The following XRN1 variants were observed in gnomAD, a reference collection of about 807,000 sequenced individuals.
The protein encoded by XRN1 is 5'-3' exoribonuclease 1, also known as strand-exchange protein 1 homolog.
In XRN1, 67 loss-of-function variants were observed where a neutral mutation model predicts 222.3. The observed-to-expected ratio is 0.30, with a 90% CI of 0.25 to 0.37. XRN1 has a LOEUF of 0.37. Among genes scored for constraint, XRN1 ranks in the 10% least tolerant of loss-of-function variants. XRN1 has a pLI of 1.00. For synonymous variants in XRN1, 643 were observed against 652.4 expected, an observed-to-expected ratio of 0.99 and a Z score of 0.22; for missense variants, 1,707 against 2,000.2, an observed-to-expected ratio of 0.85 and a Z score of 2.80.
At chr3:142,343,945 C>G (rs946432202) in intron 33 of XRN1, among the ~76,000 whole-genome samples, 18 of 152,046 alleles carry the variant, frequency 1.2e-4, no homozygotes, top group Non-Finnish European at 2.6e-4. Context: ...CAACATGGAT[C>G]AAACTGGAGA....
chr3:142,360,898 A>G (rs1164163192), intron 29 of XRN1, among the ~76,000 whole-genome samples: 2 of 151,002 alleles, frequency 1.3e-5, no homozygotes, highest in African/African-American at 4.9e-5. Flanking sequence ...AAACCAAACA[A>G]CAACAAAACA....
Position 142,311,658 on chromosome 3 carries a change from C to A in XRN1, c.4938G>T (p.Pro1646=). 6.2e-7 allele frequency: 1 copy of A among 1,614,082 alleles called. No homozygotes were observed. Among genetic ancestry groups the A allele is most frequent in the East Asian group, 2.2e-5 (1 of 44,880 alleles). ...ESSSASLKSS[P]IAQPASSFQV... is the part of the protein sequence containing the mutation. ...GAAAAGAAGATGCAGGTTGAGCAAT[C>A]GGAGAGGACTTCAAAGAAGCTGATG... is the stretch of plus-strand genomic sequence containing the variant. Residue 1646 remains proline, a synonymous_variant, in exon 41 of 41, where the codon CCG becomes CCT. Coordinates refer to ENST00000392981, the MANE Select transcript of XRN1 (RefSeq NM_001282857.2).
rs774132399 is a variant in XRN1 at position 142,411,996 on chromosome 3, G to C, written c.1713+548C>G. Among the ~76,000 whole-genome samples the C allele has an allele frequency of 2.6e-5, 4 of 151,704 alleles. No homozygotes were observed. In the South Asian group the frequency reaches 6.3e-4, roughly 24 times the overall value. On this transcript the variant is annotated intron_variant, in intron 15 of 40. Coordinates refer to ENST00000392981, the MANE Select transcript of XRN1 (RefSeq NM_001282857.2). ...CGCCACCTTGCCCGGCTAATTTTTT[G>C]TATTTTTTTAGTAGAGACGGGGTTT...
intron 20 of XRN1, among the ~76,000 whole-genome samples, chr3:142,385,382 A>AT (rs2067458753): frequency 6.6e-6 from 1 of 152,216 alleles, no homozygotes; most frequent in Non-Finnish European, 1.5e-5. Context: ...GCCATATATC[A>AT]TATGATTCCA....
At position 142,428,877 on chromosome 3, in the gene XRN1, A is replaced by G. The variant is rs2069382680; in HGVS notation, c.309-2036T>C. On this transcript the variant is annotated intron_variant, in intron 2 of 40. Coordinates refer to ENST00000392981, the MANE Select transcript of XRN1 (RefSeq NM_001282857.2). ...AGAAAGCGATCCACCAGAAAGATAA[A>G]TTTGGAGTCATCAGCAGAGACATAG... Among the ~76,000 whole-genome samples the G allele has an allele frequency of 3.3e-5, 5 of 152,176 alleles. No individual in the cohort carries two copies. In the South Asian group the frequency reaches 1.0e-3, roughly 31 times the overall value.
At chr3:142,442,906 T>G (rs1447877080) in intron 1 of XRN1, among the ~76,000 whole-genome samples, 3 of 152,120 alleles carry the variant, frequency 2.0e-5, no homozygotes, top group African/African-American at 7.2e-5. Flanking sequence ...GCTAATTTTT[T>G]GTATTTTTAG....
chr3:142,446,622 T>TA (rs1378651557), intron 1 of XRN1, among the ~76,000 whole-genome samples: 1 of 152,190 alleles, frequency 6.6e-6, no homozygotes, highest in Non-Finnish European at 1.5e-5. Flanking sequence ...TTTTTGCACT[T>TA]TAGAGATAAA....
intron 32 of XRN1, among the ~76,000 whole-genome samples, chr3:142,354,437 G>A (rs1232812473): frequency 6.6e-6 from 1 of 152,138 alleles, no homozygotes; most frequent in Non-Finnish European, 1.5e-5. Context: ...ATATACCCCA[G>A]GGAAAATAAA....
chr3:142,426,530 T>C (rs533426188), intron 3 of XRN1: 1 of 514,530 alleles, frequency 1.9e-6, no homozygotes, highest in South Asian at 2.8e-5. Flanking sequence ...ATATCTGCTC[T>C]AATTTATCTA....
At chr3:142,380,524 C>T (rs958616864) in intron 22 of XRN1, among the ~76,000 whole-genome samples, 2 of 152,044 alleles carry the variant, frequency 1.3e-5, no homozygotes, top group Admixed American at 6.6e-5. Context: ...GACAGGATCT[C>T]GCTCTGTCAT....
At chr3:142,393,775 C>T (rs1181099115) in intron 20 of XRN1, among the ~76,000 whole-genome samples, 3 of 152,114 alleles carry the variant, frequency 2.0e-5, no homozygotes, top group Non-Finnish European at 2.9e-5. Flanking sequence ...TGTTCAACTA[C>T]TTTGTTCAAT....
Position 142,353,155 on chromosome 3 carries a change from AAAGT to A in XRN1, c.3768+2242_3768+2245del, listed in dbSNP as rs1365361848. The stretch of plus-strand genomic sequence containing the variant: ...CATAAAGTGACACATTCAAGTGGAA[AAAGT>A]AAGTTGTTAAATGCGATAACGGCCT... On this transcript the variant is annotated intron_variant, in intron 32 of 40. Transcript: ENST00000392981. Among the ~76,000 whole-genome samples the A allele has an allele frequency of 2.0e-5, 3 of 152,232 alleles. No homozygotes were observed. The East Asian group carries it at 5.8e-4, about 29-fold the overall frequency.
intron 33 of XRN1, among the ~76,000 whole-genome samples, chr3:142,340,747 C>T (rs1052840846): frequency 1.3e-5 from 2 of 152,120 alleles, no homozygotes; most frequent in African/African-American, 4.8e-5. Flanking sequence ...GGAAATCTTA[C>T]AGGCGAGAAG....
rs776085530 is a variant in XRN1, at chr3:142,400,571, C to A, written c.2104-24G>T. ...GTCTTAAAGTAAAAGCAAAAAAGTT[C>A]ATTCATGATTTCAGGTCTAAGAGAA... On this transcript the variant is annotated intron_variant, in intron 18 of 40. Transcript: ENST00000392981. 1.1e-5 allele frequency: 17 copies of A among 1,583,192 alleles called. No individual in the cohort carries two copies. The Middle Eastern group carries it at 6.7e-4, about 62-fold the overall frequency.
In XRN1 at chr3:142,418,800, A is replaced by G; in HGVS notation, c.1240+15T>C. ...TCAAAGTAGTAACATATCAAAACAC[A>G]TACTTCATACTTACCCTTAGAAGTT... On this transcript the variant is annotated intron_variant, in intron 11 of 40. Transcript: ENST00000392981. 3 of 1,612,440 alleles carry G rather than the reference A, an allele frequency of 1.9e-6. No homozygotes were observed. The highest frequency in any genetic ancestry group is 1.7e-6 in the Non-Finnish European group (2 of 1,178,668).
intron 27 of XRN1, among the ~76,000 whole-genome samples, chr3:142,368,297 C>T (rs573437021): frequency 3.9e-5 from 6 of 151,990 alleles, no homozygotes; most frequent in Admixed American, 1.3e-4. Context: ...TACAGGTACC[C>T]GCCACCACGC....
At chr3:142,415,895 T>C (rs1017523208) in intron 13 of XRN1, among the ~76,000 whole-genome samples, 1 of 152,146 alleles carries the variant, frequency 6.6e-6, no homozygotes, top group African/African-American at 2.4e-5. Context: ...GGTGGATGGT[T>C]TGAAAATGCA....
chr3:142,336,892 G>T (rs1414408096), intron 33 of XRN1, among the ~76,000 whole-genome samples: 1 of 151,764 alleles, frequency 6.6e-6, no homozygotes, highest in Non-Finnish European at 1.5e-5. Context: ...CAGATTTACA[G>T]GGACATTAAT....
intron 20 of XRN1, 48 bp from the exon 21 acceptor site, chr3:142,384,733 A>G (rs2067431432): frequency 7.3e-7 from 1 of 1,377,988 alleles, no homozygotes; most frequent in Non-Finnish European, 9.8e-7. Flanking sequence ...GAGTATGCAG[A>G]TATTCTAGGA....
Sources: gnomAD v4.1 joint callset for allele counts (sites outside exome capture counted in the v4.1 genomes callset) on GRCh38, gnomAD v4.1.1 for gene constraint, MANE v1.5 for transcripts, NCBI Gene and HGNC (gene_info 2026-07-23, HGNC 2026-07-21) for gene names.